AGPS: variants seen among roughly 807,000 people sequenced by gnomAD.
AGPS encodes the protein alkyldihydroxyacetonephosphate synthase, peroxisomal.
AGPS carries 26 observed loss-of-function variants against 90.7 expected under a neutral mutation model. The ratio of observed to expected loss-of-function variants is 0.29; its 90% CI spans 0.21 to 0.40. The LOEUF is 0.40. Ranked by LOEUF, AGPS falls within the 10% of genes least tolerant of loss-of-function variation. The pLI is 1.00. For missense variants in AGPS, 540 were observed against 816.1 expected, an observed-to-expected ratio of 0.66 and a Z score of 4.12; for synonymous variants, 294 against 285.3, an observed-to-expected ratio of 1.03 and a Z score of -0.31.
chr2:177,431,431 G>A lies in AGPS; in HGVS notation c.351-2896G>A, dbSNP rs150845208. ...AACATCTTAAACAACAGAAAACAGG[G>A]TTCGAGAGCAGAGAACCGGTCTGAC... On this transcript the variant is annotated intron_variant, in intron 2 of 19. Coordinates refer to ENST00000264167, the MANE Select transcript of AGPS (RefSeq NM_003659.4). 2.4e-3 allele frequency among the ~76,000 whole-genome samples: 364 copies of A among 152,198 alleles called. 4 individuals carry two copies. The highest frequency in any genetic ancestry group is 8.3e-3 in the African/African-American group (344 of 41,500).
intron 17 of AGPS, among the ~76,000 whole-genome samples, chr2:177,514,853 C>T (rs1009949203): frequency 1.3e-5 from 2 of 151,892 alleles, no homozygotes; most frequent in African/African-American, 4.8e-5. Flanking sequence ...ATGTTCATTT[C>T]AATCAAAAGG....
chr2:177,409,669 G>C (rs1685564521), intron 1 of AGPS, among the ~76,000 whole-genome samples: 1 of 152,182 alleles, frequency 6.6e-6, no homozygotes, highest in Non-Finnish European at 1.5e-5. Context: ...CATAGTAGGG[G>C]TCATGCAGTT....
chr2:177,443,306 T>TA (rs1230536183), intron 7 of AGPS, among the ~76,000 whole-genome samples: 1 of 152,220 alleles, frequency 6.6e-6, no homozygotes, highest in Non-Finnish European at 1.5e-5. Context: ...GGCTCACATT[T>TA]GCTTTCCATT....
chr2:177,437,393 T>C (rs1686446879), intron 5 of AGPS, among the ~76,000 whole-genome samples: 1 of 152,174 alleles, frequency 6.6e-6, no homozygotes, highest in African/African-American at 2.4e-5. Context: ...TTAATATAAT[T>C]GAGTACTGCA....
intron 3 of AGPS, among the ~76,000 whole-genome samples, chr2:177,436,417 T>C (rs1036337974): frequency 1.3e-5 from 2 of 152,142 alleles, no homozygotes; most frequent in African/African-American, 4.8e-5. Flanking sequence ...CCGAAAGTGC[T>C]GGGATTACAG....
intron 1 of AGPS, among the ~76,000 whole-genome samples, chr2:177,409,101 T>A (rs1685546904): frequency 6.6e-6 from 1 of 152,124 alleles, no homozygotes; most frequent in Non-Finnish European, 1.5e-5. Context: ...TTTCCATGGG[T>A]TTGCCGGAAG....
chr2:177,430,770 C>G (rs190149076), intron 2 of AGPS, among the ~76,000 whole-genome samples: 1 of 152,022 alleles, frequency 6.6e-6, no homozygotes, highest in Non-Finnish European at 1.5e-5. Flanking sequence ...ATGACAGCTG[C>G]GGATCACAGC....
chr2:177,487,855 T>G (rs1339707931), intron 11 of AGPS, among the ~76,000 whole-genome samples: 1 of 152,180 alleles, frequency 6.6e-6, no homozygotes, highest in Non-Finnish European at 1.5e-5. Context: ...TTTACTAAAC[T>G]GAAAAACTAT....
intron 5 of AGPS, among the ~76,000 whole-genome samples, chr2:177,437,841 A>G (rs1686462145): frequency 6.6e-6 from 1 of 152,182 alleles, no homozygotes; most frequent in African/African-American, 2.4e-5. Context: ...TGAGAGAAAA[A>G]TTATACTTTA....
chr2:177,416,692 A>AT (rs755341056), intron 1 of AGPS, among the ~76,000 whole-genome samples: 2,070 of 147,742 alleles, frequency 0.014, 43 homozygotes, highest in African/African-American at 0.042. Flanking sequence ...CACCCAGCTA[A>AT]TTTTTTTTTT....
intron 10 of AGPS, among the ~76,000 whole-genome samples, chr2:177,472,880 C>T (rs1687670270): frequency 6.6e-6 from 1 of 152,122 alleles, no homozygotes. Context: ...CTTGCTTCTC[C>T]AAGGCAGCCA....
At chr2:177,498,905 C>T (rs1333762465) in intron 13 of AGPS, among the ~76,000 whole-genome samples, 1 of 151,526 alleles carries the variant, frequency 6.6e-6, no homozygotes, top group Non-Finnish European at 1.5e-5. Context: ...CTATTTTTCC[C>T]TCTTGCTATT....
At chr2:177,485,713 T>C (rs1688073445) in intron 11 of AGPS, among the ~76,000 whole-genome samples, 1 of 152,156 alleles carries the variant, frequency 6.6e-6, no homozygotes. Context: ...GCCCAGGAGT[T>C]TGAGACCAGT....
intron 1 of AGPS, among the ~76,000 whole-genome samples, chr2:177,399,634 A>G (rs898425760): frequency 3.9e-5 from 6 of 152,142 alleles, no homozygotes; most frequent in Non-Finnish European, 8.8e-5. Flanking sequence ...AACACATGCT[A>G]CCAAAACAGT....
In AGPS at chr2:177,400,821, T is replaced by A. The variant is rs550070821; in HGVS notation, c.260+7772T>A. ...ATCCCAGGACCTTAGAATCAAGTAA[T>A]GTGAACTATTTAATTTGCTATAATC... On this transcript the variant is annotated intron_variant, in intron 1 of 19. Transcript: ENST00000264167. 5.3e-5 allele frequency among the ~76,000 whole-genome samples: 8 copies of A among 152,330 alleles called. No homozygotes were observed. In the South Asian group the frequency reaches 1.0e-3, roughly 20 times the overall value.
At chr2:177,530,906 T>C (rs2079131522) in intron 19 of AGPS, among the ~76,000 whole-genome samples, 1 of 152,238 alleles carries the variant, frequency 6.6e-6, no homozygotes, top group African/African-American at 2.4e-5. Context: ...AATTTCAATT[T>C]ATGACTTAAG....
chr2:177,398,909 A>T (rs1016807291), intron 1 of AGPS, among the ~76,000 whole-genome samples: 1 of 152,140 alleles, frequency 6.6e-6, no homozygotes, highest in South Asian at 2.1e-4. Flanking sequence ...AGGAAAAGAG[A>T]ATAGGTCATG....
chr2:177,405,396 C>T (rs113089154), intron 1 of AGPS, among the ~76,000 whole-genome samples: 1 of 152,248 alleles, frequency 6.6e-6, no homozygotes, highest in Non-Finnish European at 1.5e-5. Context: ...ATTATCTGCT[C>T]ATTGTTTTTG....
intron 9 of AGPS, among the ~76,000 whole-genome samples, chr2:177,463,967 A>G (rs1687372376): frequency 6.6e-6 from 1 of 152,190 alleles, no homozygotes; most frequent in Non-Finnish European, 1.5e-5. Context: ...TTGAGACAGA[A>G]TTTCGCTCTT....
Sources: gnomAD v4.1 joint callset for allele counts (sites outside exome capture counted in the v4.1 genomes callset) on GRCh38, gnomAD v4.1.1 for gene constraint, MANE v1.5 for transcripts, NCBI Gene and HGNC (gene_info 2026-07-23, HGNC 2026-07-21) for gene names.